C3orf52: variants seen among roughly 807,000 people sequenced by gnomAD.
C3orf52 encodes the protein chromosome 3 open reading frame 52, also known as TPA-induced transmembrane protein.
A neutral mutation model predicts 24.8 loss-of-function variants in C3orf52; 22 were observed. The ratio of observed to expected loss-of-function variants is 0.89; its 90% CI spans 0.63 to 1.27. The LOEUF is 1.27. C3orf52 is among the 50% of genes most tolerant of loss of function. The pLI, the probability that C3orf52 is intolerant of heterozygous loss-of-function variation, is 0.00. For missense variants in C3orf52, 265 were observed against 260.7 expected (o/e 1.02, Z -0.11); for synonymous variants, 93 against 100.2 (o/e 0.93, Z 0.43).
chr3:112,104,977 C>T (rs1347022613), intron 3 of C3orf52, among the ~76,000 whole-genome samples: 1 of 152,212 alleles, frequency 6.6e-6, no homozygotes. Flanking sequence ...GATGAGTCAG[C>T]ATCCACATGT....
chr3:112,128,306 T>C, exon 5 of C3orf52: 2 of 655,134 alleles, frequency 3.1e-6, no homozygotes. Flanking sequence ...GGAAAAATGT[T>C]TCCTCACTCT....
intron 2 of C3orf52, among the ~76,000 whole-genome samples, chr3:112,101,810 G>C (rs1003606237): frequency 1.3e-5 from 2 of 152,064 alleles, no homozygotes; most frequent in Non-Finnish European, 2.9e-5. Flanking sequence ...TCCCACCTAC[G>C]CCTTTCTCAG....
intron 4 of C3orf52, 77 bp from the exon 5 acceptor site, chr3:112,112,887 A>G (rs1184431579): frequency 7.9e-7 from 1 of 1,266,984 alleles, no homozygotes. Flanking sequence ...AAAAAAAAAA[A>G]AAGTTATTGC....
intron 3 of C3orf52, among the ~76,000 whole-genome samples, chr3:112,108,722 A>C (rs2074050586): frequency 6.6e-6 from 1 of 152,206 alleles, no homozygotes; most frequent in Non-Finnish European, 1.5e-5. Flanking sequence ...GTTTTAGAAG[A>C]TTATGTAGAA....
At chr3:112,102,185 T>C (rs2073978822) in intron 2 of C3orf52, among the ~76,000 whole-genome samples, 1 of 152,138 alleles carries the variant, frequency 6.6e-6, no homozygotes, top group Non-Finnish European at 1.5e-5. Context: ...GCATGCTCAT[T>C]TTCTAGTCAC....
At chr3:112,136,056 C>T in the C3orf52 span, among the ~76,000 whole-genome samples, 1 of 151,702 alleles carries the variant, frequency 6.6e-6, no homozygotes, top group African/African-American at 2.4e-5. Context: ...TTTCTGGAGT[C>T]TAACTTCAGT....
intron 4 of C3orf52, 121 bp downstream of exon 4, chr3:112,109,734 T>C (rs1333788739): frequency 4.9e-6 from 3 of 617,312 alleles, no homozygotes; most frequent in Middle Eastern, 2.7e-4. Context: ...GAACCTGTAA[T>C]AGAATCACAG....
chr3:112,113,406 A>G (rs977637803), intron 5 of C3orf52, among the ~76,000 whole-genome samples: 6 of 152,302 alleles, frequency 3.9e-5, no homozygotes, highest in Non-Finnish European at 5.9e-5. Flanking sequence ...AACTATAAAG[A>G]TGAACATTGC....
chr3:112,111,608 C>G (rs2074083750), intron 4 of C3orf52: 1 of 152,250 alleles, frequency 6.6e-6, no homozygotes, highest in Non-Finnish European at 1.5e-5. Flanking sequence ...GCCTGATTTT[C>G]CCATTCAGCT....
chr3:112,087,834 G>A lies in C3orf52; in HGVS notation c.138+1289G>A, dbSNP rs889656011. 2.6e-5 allele frequency among the ~76,000 whole-genome samples: 4 copies of A among 152,174 alleles called. No homozygotes were observed. The East Asian group carries it at 7.7e-4, about 29-fold the overall frequency. ...ATTAGATGGACCCGCACACCCTAAA[G>A]ACTCCCTAGCTTGGGGCTGAATCCA... On this transcript the variant is annotated intron_variant, in intron 1 of 5. Coordinates refer to ENST00000264848, the MANE Select transcript of C3orf52 (RefSeq NM_024616.3).
intron 4 of C3orf52, among the ~76,000 whole-genome samples, chr3:112,124,313 A>G (rs776894295): frequency 2.6e-5 from 4 of 152,242 alleles, no homozygotes; most frequent in Non-Finnish European, 5.9e-5. Context: ...CATTCTAATA[A>G]AAAAGAATAA....
chr3:112,125,361 G>T (rs1559983443), intron 4 of C3orf52: 1 of 771,556 alleles, frequency 1.3e-6, no homozygotes, highest in Admixed American at 1.9e-5. Context: ...AAACAGCTGG[G>T]GTAGCTCTTC....
chr3:112,128,006 T>C (rs2074368239), intron 4 of C3orf52: 2 of 1,611,764 alleles, frequency 1.2e-6, no homozygotes, highest in East Asian at 4.5e-5. Flanking sequence ...TAAAAACAAC[T>C]GTCCACTCAC....
intron 3 of C3orf52, among the ~76,000 whole-genome samples, chr3:112,107,524 T>C (rs1336666132): frequency 6.6e-6 from 1 of 152,226 alleles, no homozygotes; most frequent in Non-Finnish European, 1.5e-5. Context: ...CTTTCCTCCT[T>C]GATATTCAGG....
intron 4 of C3orf52, among the ~76,000 whole-genome samples, chr3:112,111,262 T>A (rs1214736851): frequency 1.3e-5 from 2 of 152,202 alleles, no homozygotes; most frequent in Non-Finnish European, 2.9e-5. Flanking sequence ...CTCTGCACTT[T>A]ATTTCAAGAA....
downstream of C3orf52, chr3:112,119,372 TAACAAACAAACAAACA>T (rs61174992): frequency 7.3e-6 from 5 of 681,588 alleles, no homozygotes; most frequent in Admixed American, 2.1e-5. Flanking sequence ...TGAAACTCCA[TAACAAACAAACAAACA>T]AACAAACAAA....
At chr3:112,113,794 G>A (rs2074109180) in intron 5 of C3orf52, among the ~76,000 whole-genome samples, 1 of 152,162 alleles carries the variant, frequency 6.6e-6, no homozygotes, top group Non-Finnish European at 1.5e-5. Flanking sequence ...TTGACACTCA[G>A]AACAAAACCT....
Position 112,090,285 on chromosome 3 carries a change from T to G in C3orf52, c.139-3075T>G, listed in dbSNP as rs1203170578. Reference sequence around the variant, plus strand: ...GCTGGGAGTGTCTGACAGTTTCATGTGCTTTTTTTTTTTTTTTTTTTTTCA... The same window carrying G: ...GCTGGGAGTGTCTGACAGTTTCATGGGCTTTTTTTTTTTTTTTTTTTTTCA... On this transcript the variant is annotated intron_variant, in intron 1 of 5. Coordinates refer to ENST00000264848, the MANE Select transcript of C3orf52 (RefSeq NM_024616.3). Among the ~76,000 whole-genome samples the G allele has an allele frequency of 2.7e-5, 4 of 145,778 alleles. No individual in the cohort carries two copies. In the South Asian group the frequency reaches 8.7e-4, roughly 32 times the overall value.
downstream of C3orf52, chr3:112,128,758 C>T (rs2107809864): frequency 6.3e-6 from 1 of 159,740 alleles, no homozygotes; most frequent in African/African-American, 2.4e-5. Context: ...TCTTATAGCA[C>T]AAAGGCTTAG....
Sources: gnomAD v4.1 joint callset for allele counts (sites outside exome capture counted in the v4.1 genomes callset) on GRCh38, gnomAD v4.1.1 for gene constraint, MANE v1.5 for transcripts, NCBI Gene and HGNC (gene_info 2026-07-23, HGNC 2026-07-21) for gene names.